UBE2E2: variants seen among roughly 807,000 people sequenced by gnomAD.
The protein encoded by UBE2E2 is ubiquitin conjugating enzyme E2 E2.
UBE2E2 carries 6 observed loss-of-function variants against 24.7 expected under a neutral mutation model. That is an observed-to-expected ratio of 0.24 (90% CI 0.13 to 0.48). UBE2E2 has a LOEUF of 0.48. UBE2E2 is among the 20% of genes least tolerant of loss of function. The pLI, the probability that UBE2E2 is intolerant of heterozygous loss-of-function variation, is 0.99. For synonymous variants in UBE2E2, 104 were observed against 83.6 expected (o/e 1.24, Z -1.33); for missense variants, 169 against 245.0 (o/e 0.69, Z 2.07).
intron 3 of UBE2E2, among the ~76,000 whole-genome samples, chr3:23,409,938 T>C (rs1055028651): frequency 2.0e-5 from 3 of 152,206 alleles, no homozygotes; most frequent in African/African-American, 7.2e-5. Context: ...TTTTCTCTTA[T>C]ACAGTCACCA....
chr3:23,530,925 T>C (rs1019510215), intron 4 of UBE2E2, among the ~76,000 whole-genome samples: 3 of 152,160 alleles, frequency 2.0e-5, no homozygotes, highest in Non-Finnish European at 4.4e-5. Flanking sequence ...TACTATAATT[T>C]TTGGTTTTTA....
At chr3:23,259,525 A>G (rs1200785040) in intron 3 of UBE2E2, among the ~76,000 whole-genome samples, 4 of 152,012 alleles carry the variant, frequency 2.6e-5, no homozygotes, top group Non-Finnish European at 5.9e-5. Context: ...TGGCACACAT[A>G]TACCTGTGTA....
At chr3:23,463,384 A>G (rs1698853480) in intron 3 of UBE2E2, among the ~76,000 whole-genome samples, 1 of 152,106 alleles carries the variant, frequency 6.6e-6, no homozygotes, top group African/African-American at 2.4e-5. Context: ...CTGAATATCC[A>G]GGTCAGTTTA....
chr3:23,505,087 T>G (rs978789350), intron 4 of UBE2E2, among the ~76,000 whole-genome samples: 4 of 149,094 alleles, frequency 2.7e-5, no homozygotes, highest in Non-Finnish European at 5.9e-5. Flanking sequence ...TGTTTTTTTT[T>G]TTGTTTTTTT....
chr3:23,529,219 G>A (rs768860280), intron 4 of UBE2E2, among the ~76,000 whole-genome samples: 2 of 152,172 alleles, frequency 1.3e-5, no homozygotes, highest in African/African-American at 4.8e-5. Flanking sequence ...GTGTTGACTG[G>A]TGGTATTCAC....
intron 3 of UBE2E2, among the ~76,000 whole-genome samples, chr3:23,235,140 C>T (rs545516796): frequency 6.6e-6 from 1 of 152,248 alleles, no homozygotes; most frequent in African/African-American, 2.4e-5. Context: ...TGAAGACAGA[C>T]TGGAACTTGT....
chr3:23,319,239 T>C (rs887376528), intron 3 of UBE2E2, among the ~76,000 whole-genome samples: 2 of 152,218 alleles, frequency 1.3e-5, no homozygotes, highest in African/African-American at 2.4e-5. Flanking sequence ...GAATTGTGTT[T>C]ATTTATTTAT....
In UBE2E2 at chr3:23,558,103, A is replaced by G. The variant is rs538081546; in HGVS notation, c.508+25402A>G. On this transcript the variant is annotated intron_variant, in intron 5 of 5. Transcript: ENST00000396703. ...GCATGTCAACAATAGTAACTGGGCA[A>G]TGGTTGGTTTCACCTAATGAGATAA... Among the ~76,000 whole-genome samples the G allele has an allele frequency of 5.9e-5, 9 of 152,310 alleles. No homozygotes were observed. In the East Asian group the frequency reaches 1.5e-3, roughly 26 times the overall value.
At position 23,446,968 on chromosome 3, in the gene UBE2E2, C is replaced by T. The variant is rs1483435904; in HGVS notation, c.228-52640C>T. Among the ~76,000 whole-genome samples, 3 of 152,106 alleles carry T rather than the reference C, an allele frequency of 2.0e-5. No individual in the cohort carries two copies. In the South Asian group the frequency reaches 6.2e-4, roughly 32 times the overall value. ...AAAAAGTTTGGGATTTCCCTTTCCC[C>T]AGTGCAGTTATCCATGCAAAACAGT... On this transcript the variant is annotated intron_variant, in intron 3 of 5. Coordinates refer to ENST00000396703, the MANE Select transcript of UBE2E2 (RefSeq NM_152653.4).
chr3:23,402,026 T>A (rs912732982), intron 3 of UBE2E2, among the ~76,000 whole-genome samples: 15 of 151,922 alleles, frequency 9.9e-5, no homozygotes, highest in African/African-American at 3.6e-4. Context: ...CCGGCTAATT[T>A]GTGTATTTTT....
chr3:23,209,686 T>G (rs1011462492), intron 2 of UBE2E2, among the ~76,000 whole-genome samples: 1 of 152,184 alleles, frequency 6.6e-6, no homozygotes, highest in Admixed American at 6.5e-5. Flanking sequence ...CTTTATATGT[T>G]ATTTTATGGT....
At chr3:23,254,952 A>G (rs1042720981) in intron 3 of UBE2E2, among the ~76,000 whole-genome samples, 5 of 151,850 alleles carry the variant, frequency 3.3e-5, no homozygotes, top group African/African-American at 9.7e-5. Context: ...GCATATGGCC[A>G]TGTTTAGAAG....
rs372866431 is a variant in UBE2E2 at position 23,352,612 on chromosome 3, G to A, written c.227+135300G>A. 4.2e-4 allele frequency among the ~76,000 whole-genome samples: 64 copies of A among 152,224 alleles called. 1 individual carries two copies. In the East Asian group the frequency reaches 5.0e-3, roughly 12 times the overall value. On this transcript the variant is annotated intron_variant, in intron 3 of 5. Transcript: ENST00000396703. ...CAGAGAATACTACAAACACCTCTAC[G>A]CAAATAAACTAGAAAATCTAGAAGA...
chr3:23,518,630 C>G (rs553490645), intron 4 of UBE2E2, among the ~76,000 whole-genome samples: 4 of 152,098 alleles, frequency 2.6e-5, no homozygotes, highest in Non-Finnish European at 4.4e-5. Context: ...TTCCTTTTCC[C>G]CTCTCCGATA....
In UBE2E2 at chr3:23,589,854, C is replaced by T. The variant is rs769907316; in HGVS notation, c.*23C>T. The T allele has an allele frequency of 1.4e-5, 23 of 1,612,686 alleles. No individual in the cohort carries two copies. The highest frequency in any genetic ancestry group is 2.2e-5 in the East Asian group (1 of 44,878). On this transcript the variant is annotated 3_prime_UTR_variant, in exon 6 of 6. Transcript: ENST00000396703. This position sits in a 1 kb window ranked among gnomAD's most constrained non-coding sequence, Gnocchi z 4.1. ...TAGGGGCCTGCTGCCTGCCGCCCCG[C>T]GGGACCTGTGCAAGCACATTCACCA... is the stretch of plus-strand genomic sequence containing the variant.
At chr3:23,322,548 A>T (rs1056592635) in intron 3 of UBE2E2, among the ~76,000 whole-genome samples, 2 of 152,126 alleles carry the variant, frequency 1.3e-5, no homozygotes, top group Non-Finnish European at 2.9e-5. Context: ...TTAAGATGGT[A>T]ACTATCTCTG....
intron 3 of UBE2E2, among the ~76,000 whole-genome samples, chr3:23,301,334 C>T (rs1175657140): frequency 6.6e-6 from 1 of 152,206 alleles, no homozygotes; most frequent in Non-Finnish European, 1.5e-5. Context: ...TGAGGAGCTG[C>T]GTTCCTTTGG....
chr3:23,417,520 A>G (rs190185381), intron 3 of UBE2E2, among the ~76,000 whole-genome samples: 26 of 152,312 alleles, frequency 1.7e-4, no homozygotes, highest in Non-Finnish European at 2.1e-4. Context: ...GTCAGGAGGC[A>G]TGGGGGTTGG....
At chr3:23,351,050 C>A (rs1695733383) in intron 3 of UBE2E2, among the ~76,000 whole-genome samples, 1 of 152,310 alleles carries the variant, frequency 6.6e-6, no homozygotes, top group African/African-American at 2.4e-5. Context: ...GGCAGAAACT[C>A]TACAAGCCAG....
Sources: gnomAD v4.1 joint callset for allele counts (sites outside exome capture counted in the v4.1 genomes callset) on GRCh38, gnomAD v4.1.1 for gene constraint, Gnocchi (gnomAD v3.1) non-coding constraint, MANE v1.5 for transcripts, NCBI Gene and HGNC (gene_info 2026-07-23, HGNC 2026-07-21) for gene names.